Variants in STAP1 observed in about 807,000 individuals in gnomAD.
STAP1 encodes signal transducing adaptor family member 1, also known as signal-transducing adaptor protein 1.
A neutral mutation model predicts 37.8 loss-of-function variants in STAP1; 30 were observed. The observed-to-expected ratio is 0.79, with a 90% CI of 0.59 to 1.08. The LOEUF is 1.08. Ranked by LOEUF, STAP1 falls within the 50% of genes least tolerant of loss-of-function variation. STAP1 has a pLI of 0.00. For synonymous variants in STAP1, 130 were observed against 116.0 expected, an observed-to-expected ratio of 1.12 and a Z score of -0.78; for missense variants, 357 against 349.4, an observed-to-expected ratio of 1.02 and a Z score of -0.17.
At chr4:67,591,042 G>A in intron 7 of STAP1, 89 bp downstream of exon 7, 1 of 871,372 alleles carries the variant, frequency 1.1e-6, no homozygotes, top group Non-Finnish European at 1.8e-6. Context: ...AAGTTAAGGA[G>A]CCCTGAATGT....
chr4:67,599,818 T>G (rs1463593709), intron 8 of STAP1, among the ~76,000 whole-genome samples: 1 of 151,856 alleles, frequency 6.6e-6, no homozygotes, highest in Non-Finnish European at 1.5e-5. Context: ...ATTTTTGTAT[T>G]TTTAGTAGAG....
At chr4:67,574,819 G>A (rs1044695254) in intron 2 of STAP1, among the ~76,000 whole-genome samples, 6 of 152,120 alleles carry the variant, frequency 3.9e-5, no homozygotes, top group Non-Finnish European at 8.8e-5. Context: ...AAAAAGTGCT[G>A]CCCCTGGACA....
intron 1 of STAP1, among the ~76,000 whole-genome samples, chr4:67,561,100 C>A (rs1002649935): frequency 1.3e-5 from 2 of 152,214 alleles, no homozygotes; most frequent in Non-Finnish European, 2.9e-5. Flanking sequence ...ACCCTTTCAT[C>A]ACTTATCATA....
Position 67,581,360 on chromosome 4 carries a change from A to G in STAP1, c.419A>G (p.Glu140Gly). The part of the protein sequence containing the change: ...LLPGQVIKLH[E>G]VLEREKKRRI... ...CCTGGGCAAGTAATTAAACTGCATG[A>G]AGTCCTAGAGAGAGAAAAGAAAAGG... Residue 140 changes from glutamate (E) to glycine (G), a missense_variant, in exon 5 of 9, where the codon GAA becomes GGA. By Grantham distance (98) the Glu-to-Gly change is moderately conservative. Transcript: ENST00000265404. 6.2e-7 allele frequency: 1 copy of G among 1,614,112 alleles called. No homozygotes were observed. The highest frequency in any genetic ancestry group is 8.5e-7 in the Non-Finnish European group (1 of 1,179,978).
At chr4:67,583,767 G>C (rs1044782919) in intron 6 of STAP1, 65 bp downstream of exon 6, 5 of 1,552,754 alleles carry the variant, frequency 3.2e-6, no homozygotes, top group Non-Finnish European at 1.7e-6. Flanking sequence ...TACAAGTCCA[G>C]ATCAGCACCT....
intron 6 of STAP1, 31 bp from the exon 7 acceptor site, chr4:67,590,853 A>G: frequency 6.4e-7 from 1 of 1,552,320 alleles, no homozygotes; most frequent in South Asian, 1.1e-5. Context: ...TTGTATAATA[A>G]AATGGAGACT....
intron 4 of STAP1, among the ~76,000 whole-genome samples, chr4:67,577,897 C>T (rs1444431557): frequency 2.0e-5 from 3 of 152,110 alleles, no homozygotes; most frequent in Non-Finnish European, 2.9e-5. Flanking sequence ...GATCTGCCGG[C>T]CTCGGCCTCC....
Position 67,606,329 on chromosome 4 carries a change from A to T in STAP1, c.860A>T (p.Lys287Met). 6.2e-7 allele frequency: 1 copy of T among 1,612,050 alleles called. No homozygotes were observed. Among genetic ancestry groups the T allele is most frequent in the African/African-American group, 1.3e-5 (1 of 74,928 alleles). ...CCCAGTATGGAAGGGAGAAGTGAAAAGTTGAAGAAAAATCCACACATTGCA... is the reference window on the plus strand; with the variant it reads ...CCCAGTATGGAAGGGAGAAGTGAAATGTTGAAGAAAAATCCACACATTGCA... ...QEPSMEGRSE[K>M]LKKNPHIA Residue 287 changes from lysine (K) to methionine (M), a missense_variant, in exon 9 of 9, where the codon AAG (lysine) becomes ATG (methionine). Transcript: ENST00000265404.
intron 8 of STAP1, among the ~76,000 whole-genome samples, chr4:67,596,297 T>G (rs1414787184): frequency 6.6e-6 from 1 of 152,190 alleles, no homozygotes; most frequent in Non-Finnish European, 1.5e-5. Context: ...CTGTCATGAT[T>G]GTAAGTTTCC....
chr4:67,600,071 G>A lies in STAP1; in HGVS notation c.827-6225G>A, dbSNP rs143835108. 8.3e-3 allele frequency among the ~76,000 whole-genome samples: 1,255 copies of A among 151,832 alleles called. 19 individuals are homozygous for A. The highest frequency in any genetic ancestry group is 0.029 in the African/African-American group (1,197 of 41,398). ...GGTTTGGTTTGTTCTTGCTTTTTTAGTTCTTTATGATGCATCATTAGGTTG... is the reference window on the plus strand; with the variant it reads ...GGTTTGGTTTGTTCTTGCTTTTTTAATTCTTTATGATGCATCATTAGGTTG... On this transcript the variant is annotated intron_variant, in intron 8 of 8. Transcript: ENST00000265404.
intron 1 of STAP1, among the ~76,000 whole-genome samples, chr4:67,566,510 C>T (rs1427633658): frequency 1.3e-5 from 2 of 152,176 alleles, no homozygotes. Flanking sequence ...CCCTTTGCCA[C>T]ATGGCAGGGA....
chr4:67,583,118 T>C lies in STAP1; in HGVS notation c.531-456T>C, dbSNP rs187277161. On this transcript the variant is annotated intron_variant, in intron 5 of 8. Transcript: ENST00000265404. ...ACAACAATGCCATAGAAAGACATAT[T>C]ACACCAAAATAAATGAGTGCAAACA... Among the ~76,000 whole-genome samples, 242 of 152,312 alleles carry C rather than the reference T, an allele frequency of 1.6e-3. 3 individuals are homozygous for C. The highest frequency in any genetic ancestry group is 3.2e-3 in the African/African-American group (132 of 41,566).
intron 8 of STAP1, among the ~76,000 whole-genome samples, chr4:67,598,021 T>C (rs1459902339): frequency 1.3e-5 from 2 of 152,156 alleles, no homozygotes; most frequent in African/African-American, 4.8e-5. Context: ...AGTGGAATGA[T>C]ATGGTTTGGC....
chr4:67,558,879 C>T lies in STAP1; in HGVS notation c.70C>T (p.Leu24=). 6.2e-7 allele frequency: 1 copy of T among 1,613,696 alleles called. No individual in the cohort carries two copies. Among genetic ancestry groups the T allele is most frequent in the Non-Finnish European group, 8.5e-7 (1 of 1,179,734 alleles). ...CCAGGAAAGGTTAAAGATTACTGCT[C>T]TACCTTTGTACTTTGAAGGTTTTTT... ...IFQERLKITA[L]PLYFEGFLLI... Residue 24 remains leucine (L), a synonymous_variant, in exon 1 of 9, where the codon CTA becomes TTA. Coordinates refer to ENST00000265404, the MANE Select transcript of STAP1 (RefSeq NM_012108.4).
At chr4:67,569,993 A>G (rs1189572590) in intron 1 of STAP1, among the ~76,000 whole-genome samples, 1 of 152,144 alleles carries the variant, frequency 6.6e-6, no homozygotes, top group Non-Finnish European at 1.5e-5. Flanking sequence ...AGCCTCCCAA[A>G]GTGTTGGGAT....
At chr4:67,568,332 T>C (rs1484778742) in intron 1 of STAP1, among the ~76,000 whole-genome samples, 2 of 152,198 alleles carry the variant, frequency 1.3e-5, no homozygotes, top group Non-Finnish European at 2.9e-5. Context: ...GATGGTTCAA[T>C]AAGTTGTAAA....
At chr4:67,559,224 G>T (rs1267849586) in intron 1 of STAP1, among the ~76,000 whole-genome samples, 1 of 152,068 alleles carries the variant, frequency 6.6e-6, no homozygotes, top group East Asian at 1.9e-4. Context: ...TATCACAAAA[G>T]ATTTTGGCTT....
At chr4:67,563,525 G>A (rs1727398267) in intron 1 of STAP1, among the ~76,000 whole-genome samples, 2 of 152,140 alleles carry the variant, frequency 1.3e-5, no homozygotes, top group South Asian at 4.1e-4. Flanking sequence ...AGGCAATATA[G>A]CGAAACCCCA....
chr4:67,596,972 C>T (rs1296603422), intron 8 of STAP1, among the ~76,000 whole-genome samples: 2 of 152,290 alleles, frequency 1.3e-5, no homozygotes, highest in Admixed American at 6.5e-5. Context: ...CAGAAATTTG[C>T]ATAAGAAACA....
Sources: gnomAD v4.1 joint callset for allele counts (sites outside exome capture counted in the v4.1 genomes callset) on GRCh38, gnomAD v4.1.1 for gene constraint, MANE v1.5 for transcripts, NCBI Gene and HGNC (gene_info 2026-07-23, HGNC 2026-07-21) for gene names.